DSCAM: variants seen among roughly 807,000 people sequenced by gnomAD.
DSCAM encodes DS cell adhesion molecule.
DSCAM carries 47 observed loss-of-function variants against 217.7 expected under a neutral mutation model. The ratio of observed to expected loss-of-function variants is 0.22; its 90% CI spans 0.17 to 0.28. The LOEUF is 0.28. Among genes scored for constraint, DSCAM ranks in the 10% least tolerant of loss-of-function variants. The pLI is 1.00. For synonymous variants in DSCAM, 1,056 were observed against 1,015.3 expected (o/e 1.04, Z -0.76); for missense variants, 2,080 against 2,618.3 (o/e 0.79, Z 4.49).
intron 3 of DSCAM, among the ~76,000 whole-genome samples, chr21:40,457,762 C>T (rs2075775515): frequency 6.6e-6 from 1 of 152,102 alleles, no homozygotes; most frequent in African/African-American, 2.4e-5. Flanking sequence ...TCCCTTTGGA[C>T]CACAAACTTA....
chr21:40,236,781 G>A (rs2073085554), intron 11 of DSCAM, among the ~76,000 whole-genome samples: 1 of 152,192 alleles, frequency 6.6e-6, no homozygotes. Context: ...TAAGCAGTCA[G>A]TGTCTACCTA....
intron 9 of DSCAM, among the ~76,000 whole-genome samples, chr21:40,297,063 T>C (rs917139151): frequency 1.3e-5 from 2 of 152,108 alleles, no homozygotes; most frequent in Admixed American, 1.3e-4. Context: ...TAGTCCGTTA[T>C]GCCAGATGTC....
At chr21:40,691,050 T>TA (rs2090532888) in intron 3 of DSCAM, among the ~76,000 whole-genome samples, 1 of 152,154 alleles carries the variant, frequency 6.6e-6, no homozygotes. Flanking sequence ...TTTACCTGTG[T>TA]AAAAAACCTG....
chr21:40,293,630 GC>G (rs1208109379), intron 10 of DSCAM, among the ~76,000 whole-genome samples: 1 of 152,164 alleles, frequency 6.6e-6, no homozygotes, highest in Non-Finnish European at 1.5e-5. Flanking sequence ...GGCCAGCCTG[GC>G]CAACATGGTG....
At chr21:40,022,458 C>T (rs575002811) in intron 32 of DSCAM, among the ~76,000 whole-genome samples, 8 of 152,308 alleles carry the variant, frequency 5.3e-5, no homozygotes, top group African/African-American at 1.9e-4. Context: ...ACTTATAAAG[C>T]ATTGAATTCA....
chr21:40,414,094 T>C (rs1376745610), intron 3 of DSCAM, among the ~76,000 whole-genome samples: 1 of 152,080 alleles, frequency 6.6e-6, no homozygotes, highest in Admixed American at 6.5e-5. Flanking sequence ...GGGACAAAAA[T>C]AATTTGAGCT....
chr21:40,545,729 G>C (rs1196251730), intron 3 of DSCAM, among the ~76,000 whole-genome samples: 1 of 152,166 alleles, frequency 6.6e-6, no homozygotes, highest in Non-Finnish European at 1.5e-5. Context: ...ACCAGCAATG[G>C]TCTGGCTATG....
intron 3 of DSCAM, among the ~76,000 whole-genome samples, chr21:40,687,228 G>T (rs1038785147): frequency 7.9e-5 from 12 of 152,132 alleles, no homozygotes; most frequent in Non-Finnish European, 1.3e-4. Flanking sequence ...GAATGTTAAA[G>T]AAATGCTTCT....
At chr21:40,716,725 G>A (rs9975400) in intron 1 of DSCAM, among the ~76,000 whole-genome samples, 4,718 of 152,294 alleles carry the variant, frequency 0.031, 112 homozygotes, top group Non-Finnish European at 0.048. Context: ...AGTAGGCAGT[G>A]ACACAAGCAT....
chr21:40,263,382 A>C (rs2073480013), intron 11 of DSCAM, among the ~76,000 whole-genome samples: 1 of 152,240 alleles, frequency 6.6e-6, no homozygotes, highest in Non-Finnish European at 1.5e-5. Context: ...CAGTGGAATA[A>C]AACCAGAAAT....
chr21:40,645,956 T>C (rs2089940838), intron 3 of DSCAM, among the ~76,000 whole-genome samples: 1 of 152,168 alleles, frequency 6.6e-6, no homozygotes, highest in Non-Finnish European at 1.5e-5. Context: ...ATTAGAACCT[T>C]AGAGCCTTTA....
At chr21:40,126,740 G>T (rs924844565) in intron 19 of DSCAM, among the ~76,000 whole-genome samples, 3 of 152,154 alleles carry the variant, frequency 2.0e-5, no homozygotes, top group Non-Finnish European at 4.4e-5. Flanking sequence ...TGTCACAGCC[G>T]ATCAAGGGAC....
intron 28 of DSCAM, among the ~76,000 whole-genome samples, chr21:40,059,041 A>G (rs1386934015): frequency 6.6e-6 from 1 of 152,236 alleles, no homozygotes; most frequent in African/African-American, 2.4e-5. Context: ...CCAATCAATT[A>G]TTTGCAGCCA....
chr21:40,826,081 C>T (rs2091966372), intron 1 of DSCAM, among the ~76,000 whole-genome samples: 1 of 152,196 alleles, frequency 6.6e-6, no homozygotes, highest in Admixed American at 6.5e-5. Flanking sequence ...TGATAAACTT[C>T]TAAGTATATG....
intron 3 of DSCAM, among the ~76,000 whole-genome samples, chr21:40,497,660 G>A (rs559851527): frequency 2.0e-5 from 3 of 152,264 alleles, no homozygotes; most frequent in South Asian, 2.1e-4. Flanking sequence ...TAATGCATAG[G>A]TTAATTAGCT....
At chr21:40,447,241 C>A (rs973690201) in intron 3 of DSCAM, among the ~76,000 whole-genome samples, 2 of 152,204 alleles carry the variant, frequency 1.3e-5, no homozygotes, top group East Asian at 1.9e-4. Context: ...TGGGCTGCAT[C>A]ATGGAAGGTG....
chr21:40,524,358 T>C (rs775350143), intron 3 of DSCAM, among the ~76,000 whole-genome samples: 4 of 152,178 alleles, frequency 2.6e-5, no homozygotes, highest in African/African-American at 4.8e-5. Context: ...TCCTTTTCTA[T>C]GTTTTTATTT....
At chr21:40,472,083 A>G (rs1272327716) in intron 3 of DSCAM, among the ~76,000 whole-genome samples, 1 of 152,186 alleles carries the variant, frequency 6.6e-6, no homozygotes, top group Non-Finnish European at 1.5e-5. Flanking sequence ...GACCAATGGC[A>G]CAGAAAGGAG....
At chr21:40,115,684 G>T (rs150162503) in intron 20 of DSCAM, among the ~76,000 whole-genome samples, 59 of 152,260 alleles carry the variant, frequency 3.9e-4, no homozygotes, top group African/African-American at 1.4e-3. Flanking sequence ...GAGAAAAAGG[G>T]ATGCTCATAC....
Sources: gnomAD v4.1 joint callset for allele counts (sites outside exome capture counted in the v4.1 genomes callset) on GRCh38, gnomAD v4.1.1 for gene constraint, MANE v1.5 for transcripts, NCBI Gene and HGNC (gene_info 2026-07-23, HGNC 2026-07-21) for gene names.